SDK1: variants seen among roughly 807,000 people sequenced by gnomAD.
The protein encoded by SDK1 is protein sidekick-1.
In SDK1, 157 loss-of-function variants were observed where a neutral mutation model predicts 245.5. That is an observed-to-expected ratio of 0.64 (90% CI 0.56 to 0.73). SDK1 has a LOEUF of 0.73. SDK1 is among the 30% of genes least tolerant of loss of function. The probability of loss-of-function intolerance (pLI) is 0.00; values close to 1 mark genes in which losing one functional copy is unlikely to be tolerated. For synonymous variants in SDK1, 1,647 were observed against 1,278.5 expected (o/e 1.29, Z -6.15); for missense variants, 3,583 against 3,002.3 (o/e 1.19, Z -4.52).
chr7:4,267,298 C>A lies in SDK1; in HGVS notation c.*1914C>A. The stretch of plus-strand genomic sequence containing the variant: ...CCTTCCTCTCTTTCCTCCTTCCTTC[C>A]CTCCCTTCTTTCCCTCCCTCCCTTC... On this transcript the variant is annotated 3_prime_UTR_variant, in exon 45 of 45. Transcript: ENST00000404826. 2.9e-6 allele frequency: 2 copies of A among 683,834 alleles called. No individual in the cohort carries two copies. The highest frequency in any genetic ancestry group is 3.6e-6 in the Non-Finnish European group (2 of 556,498). 42.4% of individuals were successfully genotyped at this position (683,834 alleles called of 1,614,324 possible).
intron 44 of SDK1, among the ~76,000 whole-genome samples, chr7:4,253,065 T>C (rs1240110296): frequency 6.6e-6 from 1 of 152,166 alleles, no homozygotes; most frequent in Non-Finnish European, 1.5e-5. Context: ...ATTTTGTTCA[T>C]CTTTGCAAAG....
chr7:3,628,847 T>A (rs1168688039), intron 2 of SDK1, among the ~76,000 whole-genome samples: 1 of 152,190 alleles, frequency 6.6e-6, no homozygotes, highest in Non-Finnish European at 1.5e-5. Context: ...AGCCCTATGT[T>A]TGCCCTCTGC....
intron 5 of SDK1, among the ~76,000 whole-genome samples, chr7:3,893,089 T>C (rs547424487): frequency 6.6e-6 from 1 of 152,248 alleles, no homozygotes; most frequent in African/African-American, 2.4e-5. Context: ...CTGACTCTGT[T>C]TCCTCATCTG....
chr7:3,942,681 C>T (rs978110479), intron 5 of SDK1, among the ~76,000 whole-genome samples: 1 of 151,998 alleles, frequency 6.6e-6, no homozygotes, highest in African/African-American at 2.4e-5. Context: ...TCCTGTAGAC[C>T]CCCTTACCTG....
intron 15 of SDK1, 66 bp downstream of exon 15, chr7:4,011,179 T>C: frequency 1.3e-6 from 2 of 1,561,300 alleles, no homozygotes; most frequent in Admixed American, 3.6e-5. Context: ...AAGAGAAGCA[T>C]CACATTATGT....
At chr7:3,522,959 C>G (rs1460597768) in intron 1 of SDK1, among the ~76,000 whole-genome samples, 1 of 28,746 alleles carries the variant, frequency 3.5e-5, no homozygotes, top group Admixed American at 4.6e-4. Context: ...CTCTTTGGCT[C>G]TTAAATTTTA....
Position 4,185,924 on chromosome 7 carries a change from A to C in SDK1, c.5098+7338A>C, listed in dbSNP as rs1013415625. Among the ~76,000 whole-genome samples, 10 of 151,974 alleles carry C rather than the reference A, an allele frequency of 6.6e-5. 2 individuals are homozygous for C. The highest frequency in any genetic ancestry group is 2.2e-4 in the African/African-American group (9 of 41,364). ...AACATAGCCCAGGCCACCGGCCCAG[A>C]AGCACAAGTGACTGAGTGACCCCTG... On this transcript the variant is annotated intron_variant, in intron 35 of 44. Transcript: ENST00000404826.
chr7:3,491,670 C>A (rs562252069), intron 1 of SDK1, among the ~76,000 whole-genome samples: 2 of 152,216 alleles, frequency 1.3e-5, no homozygotes, highest in Non-Finnish European at 2.9e-5. Flanking sequence ...AGGCAGTACA[C>A]ACATTCTCAG....
intron 13 of SDK1, among the ~76,000 whole-genome samples, chr7:3,982,656 TG>T (rs1417267690): frequency 6.6e-6 from 1 of 151,908 alleles, no homozygotes; most frequent in Non-Finnish European, 1.5e-5. Context: ...CTGGCTAACA[TG>T]GTGCAACCCC....
chr7:3,624,226 T>A (rs1677805255), intron 2 of SDK1, among the ~76,000 whole-genome samples: 2 of 152,190 alleles, frequency 1.3e-5, no homozygotes, highest in Admixed American at 6.5e-5. Flanking sequence ...TGAGATAGGG[T>A]CTCACTCTGT....
chr7:4,059,131 G>T (rs576436387), intron 19 of SDK1, among the ~76,000 whole-genome samples: 1 of 151,996 alleles, frequency 6.6e-6, no homozygotes, highest in African/African-American at 2.4e-5. Flanking sequence ...CAAAAGGATA[G>T]ACTGGCTGAA....
intron 4 of SDK1, among the ~76,000 whole-genome samples, chr7:3,814,280 G>A (rs375830374): frequency 1.3e-5 from 2 of 150,008 alleles, no homozygotes; most frequent in African/African-American, 2.5e-5. Context: ...ATCTTGAATT[G>A]ATTTTTGTAT....
rs1337248523 is a variant in SDK1 at position 4,266,324 on chromosome 7, C to G, written c.*940C>G. The stretch of plus-strand genomic sequence containing the variant: ...ATGCGTCTTTGCTGTCTCCAGGTGC[C>G]TTTTTATTAATTGTTCAGCTTTGTA... On this transcript the variant is annotated 3_prime_UTR_variant, in exon 45 of 45. Transcript: ENST00000404826. 2.9e-5 allele frequency: 29 copies of G among 985,284 alleles called. No homozygotes were observed. Among genetic ancestry groups the G allele is most frequent in the Non-Finnish European group, 3.5e-5 (29 of 829,924 alleles). The allele number at this position is 985,284 out of a possible 1,614,324, so 61.0% of individuals were successfully genotyped here.
chr7:3,517,800 A>G (rs1782800498), intron 1 of SDK1, among the ~76,000 whole-genome samples: 1 of 152,140 alleles, frequency 6.6e-6, no homozygotes, highest in South Asian at 2.1e-4. Context: ...TTCCTCTCCT[A>G]GGTCATCATT....
chr7:3,974,950 G>A (rs942663833), intron 13 of SDK1, among the ~76,000 whole-genome samples: 4 of 152,136 alleles, frequency 2.6e-5, no homozygotes, highest in African/African-American at 4.8e-5. Flanking sequence ...GGTCGTTCCC[G>A]TGAAAGCCAC....
chr7:4,214,008 G>A (rs755102437), intron 38 of SDK1, among the ~76,000 whole-genome samples: 1 of 152,158 alleles, frequency 6.6e-6, no homozygotes, highest in South Asian at 2.1e-4. Flanking sequence ...CTTAACATCC[G>A]CTATCTCCAA....
intron 1 of SDK1, among the ~76,000 whole-genome samples, chr7:3,373,728 T>C (rs1358418405): frequency 6.6e-6 from 1 of 152,104 alleles, no homozygotes; most frequent in Non-Finnish European, 1.5e-5. Context: ...GAAGATATTA[T>C]ATGATTAGAA....
At chr7:4,088,070 GACA>G (rs1781540475) in intron 22 of SDK1, among the ~76,000 whole-genome samples, 2 of 152,140 alleles carry the variant, frequency 1.3e-5, no homozygotes, top group African/African-American at 4.8e-5. Flanking sequence ...TCACAGATGA[GACA>G]TCAAGGTGTT....
At position 4,265,503 on chromosome 7, in the gene SDK1, A is replaced by G. The variant is rs888001075; in HGVS notation, c.*119A>G. ...TTTTGTTTAAAAAGAAAAAAATCTG[A>G]TAAGTGATGATTTTACCTACTTGTG... On this transcript the variant is annotated 3_prime_UTR_variant, in exon 45 of 45. Coordinates refer to ENST00000404826, the MANE Select transcript of SDK1 (RefSeq NM_152744.4). 12 of 1,372,168 alleles carry G rather than the reference A, an allele frequency of 8.7e-6. No homozygotes were observed. The East Asian group carries it at 1.5e-4, about 17-fold the overall frequency. The allele number at this position is 1,372,168 out of a possible 1,614,324, so 85.0% of individuals were successfully genotyped here.
Sources: allele counts gnomAD v4.1 joint callset (sites outside exome capture counted in the v4.1 genomes callset), GRCh38; gene constraint gnomAD v4.1.1; transcripts MANE v1.5; gene names NCBI Gene and HGNC (gene_info 2026-07-23, HGNC 2026-07-21).